COLGALT2: variants seen among roughly 807,000 people sequenced by gnomAD.
The protein encoded by COLGALT2 is collagen beta(1-O)galactosyltransferase 2, also known as procollagen galactosyltransferase 2.
COLGALT2 carries 49 observed loss-of-function variants against 73.4 expected under a neutral mutation model. The ratio of observed to expected loss-of-function variants is 0.67; its 90% CI spans 0.53 to 0.85. The LOEUF is 0.85. Ranked by LOEUF, COLGALT2 falls within the 40% of genes least tolerant of loss-of-function variation. The pLI, the probability that COLGALT2 is intolerant of heterozygous loss-of-function variation, is 0.00. For missense variants in COLGALT2, 722 were observed against 790.2 expected, an observed-to-expected ratio of 0.91 and a Z score of 1.03; for synonymous variants, 295 against 307.6, an observed-to-expected ratio of 0.96 and a Z score of 0.43.
intron 4 of COLGALT2, 86 bp downstream of exon 4, chr1:183,973,530 C>T: frequency 6.5e-7 from 1 of 1,533,622 alleles, no homozygotes. Flanking sequence ...AGGGAGTAAA[C>T]AAGAGAAAGG....
chr1:183,931,796 T>TAA (rs760880492), downstream of COLGALT2, among the ~76,000 whole-genome samples: 101 of 130,432 alleles, frequency 7.7e-4, no homozygotes, highest in African/African-American at 1.9e-3. Context: ...TGCAGCAAGT[T>TAA]AAAAAAAAAA....
At chr1:184,026,358 CT>C (rs1401067312) in intron 1 of COLGALT2, among the ~76,000 whole-genome samples, 4 of 152,078 alleles carry the variant, frequency 2.6e-5, no homozygotes, top group Non-Finnish European at 5.9e-5. Context: ...AACTTAAGAA[CT>C]TTATTGTAGA....
At chr1:184,025,236 A>G (rs1342152979) in intron 1 of COLGALT2, among the ~76,000 whole-genome samples, 4 of 152,274 alleles carry the variant, frequency 2.6e-5, no homozygotes, top group Non-Finnish European at 5.9e-5. Context: ...CTGATGCCTA[A>G]GAAATGAGGA....
Position 183,958,778 on chromosome 1 carries a change from A to G in COLGALT2, c.953-3940T>C, listed in dbSNP as rs145612787. On this transcript the variant is annotated intron_variant, in intron 6 of 11. Transcript: ENST00000361927. ...ACCCTCTTGTTTTCACCTTATAATTACCTTCTCTTTTACATCATCAAGATC... is the reference window on the plus strand; with the variant it reads ...ACCCTCTTGTTTTCACCTTATAATTGCCTTCTCTTTTACATCATCAAGATC... Among the ~76,000 whole-genome samples, 301 of 149,538 alleles carry G rather than the reference A, an allele frequency of 2.0e-3. 3 individuals carry two copies. Among genetic ancestry groups the G allele is most frequent in the South Asian group, 0.013 (60 of 4,596 alleles).
intron 1 of COLGALT2, among the ~76,000 whole-genome samples, chr1:184,003,512 T>G (rs1038413039): frequency 6.6e-6 from 1 of 152,216 alleles, no homozygotes; most frequent in African/African-American, 2.4e-5. Flanking sequence ...TTCAGATGGC[T>G]GCAGCCTCCC....
chr1:183,973,862 C>G, intron 3 of COLGALT2, 112 bp from the exon 4 acceptor site: 1 of 968,960 alleles, frequency 1.0e-6, no homozygotes, highest in Non-Finnish European at 1.5e-6. Context: ...CATATGGAAC[C>G]AGCTATCTAT....
chr1:183,979,853 T>C (rs1373733518), intron 1 of COLGALT2, among the ~76,000 whole-genome samples: 1 of 152,088 alleles, frequency 6.6e-6, no homozygotes, highest in Non-Finnish European at 1.5e-5. Flanking sequence ...ATGGAACATC[T>C]GCTAGCACTG....
chr1:183,937,957 C>T lies in COLGALT2; in HGVS notation c.*804G>A. On this transcript the variant is annotated 3_prime_UTR_variant, in exon 12 of 12. Coordinates refer to ENST00000361927, the MANE Select transcript of COLGALT2 (RefSeq NM_015101.4). ...GGGCAGGATGCACAGCCAGTCCTCA[C>T]CCTTTATATATTACATTTATCTTTA... 1 of 985,370 alleles carries T rather than the reference C, an allele frequency of 1.0e-6. No homozygotes were observed. Among genetic ancestry groups the T allele is most frequent in the Non-Finnish European group, 1.2e-6 (1 of 829,914 alleles). The allele number at this position is 985,370 out of a possible 1,614,324, so 61.0% of individuals were successfully genotyped here. A position where few individuals can be genotyped will look rare whatever the true frequency, so the allele number is the denominator to read the frequency against.
chr1:183,982,426 C>T (rs1671378598), intron 1 of COLGALT2, among the ~76,000 whole-genome samples: 1 of 152,130 alleles, frequency 6.6e-6, no homozygotes, highest in Non-Finnish European at 1.5e-5. Flanking sequence ...ATGAAGAGCG[C>T]AATGAGAGTC....
chr1:184,023,764 C>A (rs1464146152), intron 1 of COLGALT2, among the ~76,000 whole-genome samples: 1 of 152,062 alleles, frequency 6.6e-6, no homozygotes, highest in Non-Finnish European at 1.5e-5. Flanking sequence ...TGCAAATATT[C>A]CACTCCTAGT....
At chr1:183,994,723 G>A (rs1671727361) in intron 1 of COLGALT2, among the ~76,000 whole-genome samples, 2 of 152,224 alleles carry the variant, frequency 1.3e-5, no homozygotes, top group Admixed American at 1.3e-4. Context: ...CCAAAGTGCT[G>A]GATTACAGGT....
At chr1:183,995,036 C>T (rs1671734002) in intron 1 of COLGALT2, among the ~76,000 whole-genome samples, 1 of 152,042 alleles carries the variant, frequency 6.6e-6, no homozygotes, top group Non-Finnish European at 1.5e-5. Context: ...GCCTTAGTTT[C>T]CACATTTGCA....
chr1:183,930,212 AG>A (rs1297954822), exon 12 of COLGALT2: 1 of 456,226 alleles, frequency 2.2e-6, no homozygotes, highest in Admixed American at 2.3e-5. Context: ...GCCTTCTCCT[AG>A]GGTGCACGGG....
chr1:184,019,122 T>G (rs1470135458), intron 1 of COLGALT2, among the ~76,000 whole-genome samples: 2 of 152,168 alleles, frequency 1.3e-5, no homozygotes, highest in Non-Finnish European at 2.9e-5. Context: ...CAATAGCAAC[T>G]CACTTCTTGG....
At chr1:183,977,010 T>G (rs1572651604) in intron 2 of COLGALT2, among the ~76,000 whole-genome samples, 1 of 152,226 alleles carries the variant, frequency 6.6e-6, no homozygotes. Context: ...TGGTGCTAAA[T>G]TCATGGAATT....
intron 2 of COLGALT2, among the ~76,000 whole-genome samples, chr1:183,976,318 A>G (rs1002417174): frequency 1.4e-5 from 2 of 146,986 alleles, no homozygotes; most frequent in African/African-American, 2.5e-5. Context: ...TATACAGTCC[A>G]TGGGCTTGGA....
At chr1:183,988,562 G>A (rs746595965) in intron 1 of COLGALT2, among the ~76,000 whole-genome samples, 9 of 152,180 alleles carry the variant, frequency 5.9e-5, no homozygotes, top group East Asian at 3.9e-4. Flanking sequence ...GCCTATTCTC[G>A]TCCTTTCTTA....
chr1:183,963,938 G>C lies in COLGALT2; in HGVS notation c.915C>G (p.Asp305Glu). The C allele has an allele frequency of 6.2e-7, 1 of 1,611,596 alleles. No individual in the cohort carries two copies. The highest frequency in any genetic ancestry group is 1.1e-5 in the South Asian group (1 of 90,576). ...PLKPHQTLQE[D>E]IENLIHVQIE... ...TCTGCACATGGATGAGGTTCTCGATGTCTTCCTGCAGTGTCTGATGGGGCT... is the reference window on the plus strand; with the variant it reads ...TCTGCACATGGATGAGGTTCTCGATCTCTTCCTGCAGTGTCTGATGGGGCT... Residue 305 changes from aspartate to glutamate, a missense_variant, in exon 6 of 12, where the codon GAC becomes GAG. Coordinates refer to ENST00000361927, the MANE Select transcript of COLGALT2 (RefSeq NM_015101.4).
At chr1:184,019,163 A>G (rs1649097435) in intron 1 of COLGALT2, among the ~76,000 whole-genome samples, 1 of 152,188 alleles carries the variant, frequency 6.6e-6, no homozygotes, top group Non-Finnish European at 1.5e-5. Context: ...AATAAATACC[A>G]TTGACTTAAG....
Sources: allele counts gnomAD v4.1 joint callset (sites outside exome capture counted in the v4.1 genomes callset), GRCh38; gene constraint gnomAD v4.1.1; transcripts MANE v1.5; gene names NCBI Gene and HGNC (gene_info 2026-07-23, HGNC 2026-07-21).